The following PDIA6 variants were observed in gnomAD, a reference collection of about 807,000 sequenced individuals.
PDIA6 encodes the protein protein disulfide isomerase family A member 6, also known as protein disulfide-isomerase A6.
PDIA6 carries 29 observed loss-of-function variants against 58.4 expected under a neutral mutation model. The observed-to-expected ratio is 0.50, with a 90% confidence interval of 0.37 to 0.68. The LOEUF is 0.68. PDIA6 is among the 30% of genes least tolerant of loss of function. The pLI, the probability that PDIA6 is intolerant of heterozygous loss-of-function variation, is 0.00. For synonymous variants in PDIA6, 192 were observed against 202.6 expected (o/e 0.95, Z 0.44); for missense variants, 480 against 551.0 (o/e 0.87, Z 1.29).
At chr2:10,787,680 G>C (rs1665835484) in intron 10 of PDIA6, among the ~76,000 whole-genome samples, 1 of 152,190 alleles carries the variant, frequency 6.6e-6, no homozygotes, top group Non-Finnish European at 1.5e-5. Context: ...TGGACTAATG[G>C]AGGAGGAGCA....
upstream of PDIA6, among the ~76,000 whole-genome samples, chr2:10,814,947 C>A (rs541039808): frequency 2.2e-4 from 33 of 152,200 alleles, no homozygotes; most frequent in Admixed American, 6.5e-4. Context: ...CAGGGCTGAT[C>A]CTCGTGGAGA....
chr2:10,784,248 G>A lies in PDIA6; in HGVS notation c.*10C>T. 2 of 1,608,808 alleles carry A rather than the reference G, an allele frequency of 1.2e-6. No individual in the cohort carries two copies. Among genetic ancestry groups the A allele is most frequent in the Non-Finnish European group, 1.7e-6 (2 of 1,176,458 alleles). On this transcript the variant is annotated 3_prime_UTR_variant, in exon 13 of 13. Coordinates refer to ENST00000272227, the MANE Select transcript of PDIA6 (RefSeq NM_005742.4). ...GAAAAGAAAATGGTCTGAAGCCTCT[G>A]TTGTGGCTCTCACAACTCATCTTTC...
chr2:10,789,799 G>A lies in PDIA6; in HGVS notation c.790C>T (p.Arg264Trp), dbSNP rs149489060. The A allele has an allele frequency of 9.6e-5, 155 of 1,613,592 alleles. No individual in the cohort carries two copies. The highest frequency in any genetic ancestry group is 2.0e-4 in the African/African-American group (15 of 74,792). The change falls in exon 8 of 13, where the codon CGG (arginine) becomes TGG (tryptophan). Residue 264 changes from arginine (R) to tryptophan (W), a missense_variant. Transcript: ENST00000272227. ...GGRTRSDIVS[R>W]ALDLFSDNAP... ...TTATCAGAAAACAAATCAAGGGCCC[G>A]GGACACGATGTCGGATCTTGTCCGC... is the stretch of plus-strand genomic sequence containing the variant.
chr2:10,817,722 A>C (rs12474895), upstream of PDIA6, among the ~76,000 whole-genome samples: 38,026 of 152,126 alleles, frequency 0.25, 5,017 homozygotes, highest in Non-Finnish European at 0.27. Context: ...CCCCACAGGG[A>C]CCTTGGGGCC....
At chr2:10,812,369 G>A (rs979199957) in intron 1 of PDIA6, among the ~76,000 whole-genome samples, 5 of 151,882 alleles carry the variant, frequency 3.3e-5, no homozygotes, top group African/African-American at 1.2e-4. Context: ...CCCTCCCCGG[G>A]ATCCGGCCGG....
chr2:10,787,782 A>C (rs973304590), intron 10 of PDIA6, among the ~76,000 whole-genome samples: 2 of 152,150 alleles, frequency 1.3e-5, no homozygotes, highest in African/African-American at 4.8e-5. Context: ...AATAGGAAGG[A>C]GGCTGGGCAC....
chr2:10,824,991 A>C (rs893578814), intron 1 of PDIA6, among the ~76,000 whole-genome samples: 1 of 152,144 alleles, frequency 6.6e-6, no homozygotes, highest in Admixed American at 6.5e-5. Flanking sequence ...ACCCACCCTT[A>C]ATCTGGGTGG....
At chr2:10,791,289 A>G (rs1241311752) in intron 6 of PDIA6, among the ~76,000 whole-genome samples, 2 of 151,554 alleles carry the variant, frequency 1.3e-5, no homozygotes, top group Non-Finnish European at 2.9e-5. Flanking sequence ...GACTACAGGC[A>G]CACGCCACCA....
intron 1 of PDIA6, among the ~76,000 whole-genome samples, chr2:10,822,351 C>G (rs1045112118): frequency 1.3e-5 from 2 of 152,142 alleles, no homozygotes; most frequent in African/African-American, 2.4e-5. Flanking sequence ...CAAGCTCCGC[C>G]TCCCGGGTTC....
intron 1 of PDIA6, among the ~76,000 whole-genome samples, chr2:10,825,908 A>G (rs1370280537): frequency 6.6e-6 from 1 of 152,230 alleles, no homozygotes; most frequent in African/African-American, 2.4e-5. Context: ...CACTTTAGAG[A>G]ACAGTCCAAC....
intron 2 of PDIA6, among the ~76,000 whole-genome samples, chr2:10,819,113 G>A (rs1667308063): frequency 6.7e-6 from 1 of 148,794 alleles, no homozygotes; most frequent in Non-Finnish European, 1.5e-5. Context: ...GCTGTGGCAT[G>A]TGTCAATTTC....
At chr2:10,807,141 C>A (rs1342834329) in intron 1 of PDIA6, among the ~76,000 whole-genome samples, 1 of 152,234 alleles carries the variant, frequency 6.6e-6, no homozygotes, top group Non-Finnish European at 1.5e-5. Flanking sequence ...GGAATATCCT[C>A]AGACTATTCT....
At chr2:10,825,128 A>C (rs1667514433) in intron 1 of PDIA6, among the ~76,000 whole-genome samples, 1 of 152,110 alleles carries the variant, frequency 6.6e-6, no homozygotes, top group South Asian at 2.1e-4. Flanking sequence ...CTGCCCTCAA[A>C]CATCAGACTC....
At chr2:10,798,901 G>A (rs1035814424) in intron 2 of PDIA6, among the ~76,000 whole-genome samples, 10 of 152,200 alleles carry the variant, frequency 6.6e-5, no homozygotes, top group African/African-American at 2.2e-4. Flanking sequence ...TCTGGGTCCC[G>A]CAAATTGCTT....
chr2:10,828,108 C>T (rs868605566), intron 1 of PDIA6, among the ~76,000 whole-genome samples: 2 of 152,034 alleles, frequency 1.3e-5, no homozygotes, highest in African/African-American at 4.8e-5. Flanking sequence ...ATTGACACCT[C>T]ATTATCCCCC....
intron 6 of PDIA6, 31 bp from the exon 7 acceptor site, chr2:10,790,864 CTT>C (rs1666004962): frequency 6.5e-7 from 1 of 1,529,672 alleles, no homozygotes; most frequent in Non-Finnish European, 9.0e-7. Flanking sequence ...TGTTTTGTTT[CTT>C]TGAGACACAG....
chr2:10,792,552 C>T (rs760074017), intron 5 of PDIA6, among the ~76,000 whole-genome samples: 26 of 152,186 alleles, frequency 1.7e-4, no homozygotes, highest in Non-Finnish European at 2.4e-4. Context: ...AAGTAAAAGC[C>T]CATTTAATAT....
At chr2:10,829,391 G>C (rs772888078) in intron 1 of PDIA6, among the ~76,000 whole-genome samples, 47 of 152,202 alleles carry the variant, frequency 3.1e-4, no homozygotes, top group Non-Finnish European at 6.2e-4. Context: ...GCTCTGCCCT[G>C]CTTCTCCAGA....
At chr2:10,802,439 G>T in intron 2 of PDIA6, 60 bp downstream of exon 2, 1 of 1,070,046 alleles carries the variant, frequency 9.3e-7, no homozygotes, top group Non-Finnish European at 1.3e-6. Flanking sequence ...TTTTTATACA[G>T]CGTTTTCTCC....
Sources: allele counts gnomAD v4.1 joint callset (sites outside exome capture counted in the v4.1 genomes callset), GRCh38; gene constraint gnomAD v4.1.1; transcripts MANE v1.5; gene names NCBI Gene and HGNC (gene_info 2026-07-23, HGNC 2026-07-21).